KLHL33: variants seen among roughly 807,000 people sequenced by gnomAD.
KLHL33 encodes the protein kelch like family member 33.
KLHL33 carries 46 observed loss-of-function variants against 60.8 expected under a neutral mutation model. That is an observed-to-expected ratio of 0.76 (90% CI 0.60 to 0.97). The LOEUF (loss-of-function observed/expected upper bound fraction) is 0.97. Among genes scored for constraint, KLHL33 ranks in the 50% least tolerant of loss-of-function variants. The pLI is 0.00. For synonymous variants in KLHL33, 434 were observed against 432.2 expected, an observed-to-expected ratio of 1.00 and a Z score of -0.05; for missense variants, 1,055 against 1,000.0, an observed-to-expected ratio of 1.05 and a Z score of -0.74.
At chr14:20,433,993 A>G (rs1880602753) in intron 2 of KLHL33, among the ~76,000 whole-genome samples, 1 of 152,156 alleles carries the variant, frequency 6.6e-6, no homozygotes, top group Non-Finnish European at 1.5e-5. Flanking sequence ...CACATGGCCT[A>G]GTGGAAGGAG....
chr14:20,430,265 A>G lies in KLHL33; in HGVS notation c.1203T>C (p.Phe401=), dbSNP rs989593459. 1.4e-5 allele frequency: 22 copies of G among 1,551,592 alleles called. No homozygotes were observed. The highest frequency in any genetic ancestry group is 1.2e-4 in the African/African-American group (9 of 73,040). The change falls in exon 3 of 5, where the codon TTT becomes TTC. Residue 401 remains phenylalanine, a synonymous_variant. Coordinates refer to ENST00000636854, the MANE Select transcript of KLHL33 (RefSeq NM_001365790.2). The part of the protein sequence containing the change: ...ELHVQEEFEA[F]VAARCWLAAN... ...CAGCCAGCCAACACCGTGCAGCCAC[A>G]AAGGCCTCAAACTCCTCCTGCACAT...
Position 20,429,485 on chromosome 14 carries a change from C to A in KLHL33, c.1841+17G>T. ...CAAGTCTCCTAATCTCTCCCAGATG[C>A]CCCCTTGCCTGCTTACCTCCAGACA... is the stretch of plus-strand genomic sequence containing the variant. On this transcript the variant is annotated intron_variant, in intron 4 of 4. Transcript: ENST00000636854. 1 of 1,551,808 alleles carries A rather than the reference C, an allele frequency of 6.4e-7. No individual in the cohort carries two copies. Among genetic ancestry groups the A allele is most frequent in the Non-Finnish European group, 8.7e-7 (1 of 1,146,906 alleles).
At chr14:20,434,849 G>A (rs1416995430) in intron 2 of KLHL33, among the ~76,000 whole-genome samples, 1 of 152,152 alleles carries the variant, frequency 6.6e-6, no homozygotes, top group Non-Finnish European at 1.5e-5. Context: ...CAGACAGAGG[G>A]TCAGTTTAAA....
In KLHL33 at chr14:20,429,940, G is replaced by A; in HGVS notation, c.1528C>T (p.Arg510Ter). 3.9e-6 allele frequency: 6 copies of A among 1,551,748 alleles called. No homozygotes were observed. The African/African-American group carries it at 4.1e-5, about 11-fold the overall frequency. Residue 510 changes from arginine (R) to a stop codon, truncating the protein, a stop_gained, in exon 3 of 5, where the codon CGA (arginine) becomes TGA (stop). Transcript: ENST00000636854. LOFTEE classifies it high-confidence loss of function. ...RAFRCGVGLVRTVEWGQLPAL... is the reference protein window; with the variant it reads ...RAFRCGVGLV Reference sequence around the variant, plus strand: ...GGCAGCTGCCCCCACTCAACAGTTCGTACCAGTCCCACGCCACAGCGGAAG... The same window carrying A: ...GGCAGCTGCCCCCACTCAACAGTTCATACCAGTCCCACGCCACAGCGGAAG...
At position 20,426,265 on chromosome 14, in the gene KLHL33, G is replaced by A. The variant is rs1206106919; in HGVS notation, c.*2584C>T. 6.6e-6 allele frequency: 1 copy of A among 152,148 alleles called. No individual in the cohort carries two copies. The highest frequency in any genetic ancestry group is 2.4e-5 in the African/African-American group (1 of 41,424). The allele number at this position is 152,148 out of a possible 1,614,324, so 9.4% of individuals were successfully genotyped here. A position where few individuals can be genotyped will look rare whatever the true frequency, so the allele number is the denominator to read the frequency against. On this transcript the variant is annotated 3_prime_UTR_variant, in exon 5 of 5. Transcript: ENST00000636854. ...GCCTGTAATCCCAGCACTTTCGGAG[G>A]TCGAGGTGGGTGGATCACCTGAGGT...
rs8017682 is a variant in KLHL33 at position 20,435,619 on chromosome 14, G to A, written c.193C>T (p.Leu65Phe). ...PGSRPLVPRNLPFPALSLEEE... is the reference protein window; with the variant it reads ...PGSRPLVPRNFPFPALSLEEE... Reference sequence around the variant, plus strand: ...TCTAGGGACAAGGCTGGAAAGGGAAGGTTCCTTGGGACCAGGGGCCTGGAA... The same window carrying A: ...TCTAGGGACAAGGCTGGAAAGGGAAAGTTCCTTGGGACCAGGGGCCTGGAA... Residue 65 changes from leucine (L) to phenylalanine (F), a missense_variant, in exon 2 of 5, where the codon CTT (leucine) becomes TTT (phenylalanine). Leu to Phe is a conservative substitution (Grantham distance 22). Transcript: ENST00000636854. 171,994 of 1,234,504 alleles carry A rather than the reference G, an allele frequency of 0.14. 12,301 individuals are homozygous for A. Among genetic ancestry groups the A allele is most frequent in the East Asian group, 0.19 (6,088 of 31,680 alleles). 76.5% of individuals were successfully genotyped at this position (1,234,504 alleles called of 1,614,324 possible).
At chr14:20,434,836 A>G (rs898355324) in intron 2 of KLHL33, among the ~76,000 whole-genome samples, 1 of 152,150 alleles carries the variant, frequency 6.6e-6, no homozygotes, top group Non-Finnish European at 1.5e-5. Flanking sequence ...ACACAGGAAA[A>G]GCCAGACAGA....
In KLHL33 at chr14:20,428,708, AC is replaced by A. The variant is rs1395773557; in HGVS notation, c.*140del. On this transcript the variant is annotated 3_prime_UTR_variant, in exon 5 of 5. Transcript: ENST00000636854. ...CCACCATTTCCTCAACGGAGATCAT[AC>A]GTACAAAAGCAGTTTACAATGCACA... 3 of 757,546 alleles carry A rather than the reference AC, an allele frequency of 4.0e-6. No homozygotes were observed. Among genetic ancestry groups the A allele is most frequent in the Admixed American group, 5.9e-5 (2 of 34,052 alleles). 46.9% of individuals were successfully genotyped at this position (757,546 alleles called of 1,614,324 possible). A position where few individuals can be genotyped will look rare whatever the true frequency, so the allele number is the denominator to read the frequency against.
intron 2 of KLHL33, among the ~76,000 whole-genome samples, 190 bp from the exon 3 acceptor site, chr14:20,430,909 C>T (rs1295486465): frequency 6.6e-6 from 1 of 152,156 alleles, no homozygotes; most frequent in Non-Finnish European, 1.5e-5. Flanking sequence ...TTTCAGCAGT[C>T]CACTCCCAGA....
In KLHL33 at chr14:20,430,372, G is replaced by A; in HGVS notation, c.1096C>T (p.Leu366=). Residue 366 remains leucine (L), a synonymous_variant, in exon 3 of 5, where the codon CTG becomes TTG. Coordinates refer to ENST00000636854, the MANE Select transcript of KLHL33 (RefSeq NM_001365790.2). Reference sequence around the variant, plus strand: ...GCAGGACACAAGGCTACAGCAGGCAGGTGGGTGAGGAGGTAGTGACGGGCT... The same window carrying A: ...GCAGGACACAAGGCTACAGCAGGCAAGTGGGTGAGGAGGTAGTGACGGGCT... ...SKARHYLLTH[L]PAVALCPAFP... 2 of 1,551,870 alleles carry A rather than the reference G, an allele frequency of 1.3e-6. No homozygotes were observed. Among genetic ancestry groups the A allele is most frequent in the South Asian group, 1.2e-5 (1 of 84,070 alleles).
intron 2 of KLHL33, among the ~76,000 whole-genome samples, chr14:20,432,909 A>G: frequency 7.0e-6 from 1 of 143,264 alleles, no homozygotes; most frequent in Non-Finnish European, 1.5e-5. Flanking sequence ...GTGACAGAAC[A>G]AGATTCCATC....
chr14:20,430,259 A>G lies in KLHL33; in HGVS notation c.1209T>C (p.Ala403=), dbSNP rs1388971780. Reference sequence around the variant, plus strand: ...GGTTGGCAGCCAGCCAACACCGTGCAGCCACAAAGGCCTCAAACTCCTCCT... The same window carrying G: ...GGTTGGCAGCCAGCCAACACCGTGCGGCCACAAAGGCCTCAAACTCCTCCT... ...HVQEEFEAFV[A]ARCWLAANPE... is the part of the protein sequence containing the mutation. The change falls in exon 3 of 5, where the codon GCT becomes GCC. Residue 403 remains alanine (A), a synonymous_variant. Coordinates refer to ENST00000636854, the MANE Select transcript of KLHL33 (RefSeq NM_001365790.2). The G allele has an allele frequency of 5.8e-6, 9 of 1,551,602 alleles. No individual in the cohort carries two copies. The highest frequency in any genetic ancestry group is 7.0e-6 in the Non-Finnish European group (8 of 1,146,996).
chr14:20,432,954 G>GAAAGAAAGAA lies in KLHL33; in HGVS notation c.748+2100_748+2109dup, dbSNP rs1261981474. On this transcript the variant is annotated intron_variant, in intron 2 of 4. Transcript: ENST00000636854. ...AGAAAGAAAGAAAGAAAGAAAGAAA[G>GAAAGAAAGAA]AAAGAAAGAAAGAAAGAAAGAAAGA... Among the ~76,000 whole-genome samples the GAAAGAAAGAA allele has an allele frequency of 2.0e-5, 3 of 150,576 alleles. No homozygotes were observed. The East Asian group carries it at 5.8e-4, about 29-fold the overall frequency.
chr14:20,434,997 G>A (rs976516426), intron 2 of KLHL33, 67 bp downstream of exon 2: 55 of 1,198,954 alleles, frequency 4.6e-5, no homozygotes, highest in Middle Eastern at 2.1e-4. Flanking sequence ...AAAACCACCT[G>A]CTGCTTGCAC....
At position 20,435,287 on chromosome 14, in the gene KLHL33, G is replaced by A. The variant is rs573077337; in HGVS notation, c.525C>T (p.Pro175=). The A allele has an allele frequency of 2.4e-5, 30 of 1,234,292 alleles. No individual in the cohort carries two copies. The highest frequency in any genetic ancestry group is 2.8e-5 in the Non-Finnish European group (28 of 988,232). 76.5% of individuals were successfully genotyped at this position (1,234,292 alleles called of 1,614,324 possible). A position where few individuals can be genotyped will look rare whatever the true frequency, so the allele number is the denominator to read the frequency against. ...CGGCCAGCACATCCCCCTGCGAGGC[G>A]GGGCCCAGCACCCCCTCATAGGCAA... ...LTFAYEGVLG[P]ASQGDVLAAA... is the part of the protein sequence containing the mutation. The change falls in exon 2 of 5, where the codon CCC becomes CCT. Residue 175 remains proline, a synonymous_variant. Coordinates refer to ENST00000636854, the MANE Select transcript of KLHL33 (RefSeq NM_001365790.2).
Position 20,435,566 on chromosome 14 carries a change from T to C in KLHL33, c.246A>G (p.Glu82=), listed in dbSNP as rs893328491. Residue 82 remains glutamate, a synonymous_variant, in exon 2 of 5, where the codon GAA becomes GAG. Transcript: ENST00000636854. The part of the protein sequence containing the change: ...LEEEEEEEED[E]DAAEPEWLRS... ...GCAGCCACTCGGGCTCTGCCGCATC[T>C]TCATCTTCTTCCTCTTCCTCTTCTT... The C allele has an allele frequency of 1.6e-6, 2 of 1,234,750 alleles. No individual in the cohort carries two copies. The highest frequency in any genetic ancestry group is 2.0e-6 in the Non-Finnish European group (2 of 988,526). The allele number at this position is 1,234,750 out of a possible 1,614,324, so 76.5% of individuals were successfully genotyped here. A position where few individuals can be genotyped will look rare whatever the true frequency, so the allele number is the denominator to read the frequency against.
intron 2 of KLHL33, among the ~76,000 whole-genome samples, chr14:20,432,651 G>A (rs12434069): frequency 6.6e-6 from 1 of 151,640 alleles, no homozygotes; most frequent in Admixed American, 6.6e-5. Context: ...GCCAGGCGCG[G>A]TGGCTCATGC....
intron 2 of KLHL33, among the ~76,000 whole-genome samples, chr14:20,432,663 T>C (rs1364345056): frequency 6.6e-6 from 1 of 152,034 alleles, no homozygotes; most frequent in Non-Finnish European, 1.5e-5. Context: ...GGCTCATGCC[T>C]GTAAACCCAG....
Position 20,429,104 on chromosome 14 carries a change from T to G in KLHL33, c.2139A>C (p.Ala713=). The change falls in exon 5 of 5, where the codon GCA becomes GCC. Residue 713 remains alanine, a synonymous_variant. Transcript: ENST00000636854. ...ELRTDSWTHL[A]PLPSPHVGAA... is the part of the protein sequence containing the mutation. ...CCCCCACATGGGGGGAGGGTAGGGG[T>G]GCCAGGTGAGTCCAGCTATCAGTCC... The G allele has an allele frequency of 6.4e-7, 1 of 1,551,588 alleles. No homozygotes were observed.
Sources: gnomAD v4.1 joint callset for allele counts (sites outside exome capture counted in the v4.1 genomes callset) on GRCh38, gnomAD v4.1.1 for gene constraint, MANE v1.5 for transcripts, NCBI Gene and HGNC (gene_info 2026-07-23, HGNC 2026-07-21) for gene names.